Variants in PDE1C observed in about 807,000 individuals in gnomAD.
PDE1C encodes dual specificity calcium/calmodulin-dependent 3',5'-cyclic nucleotide phosphodiesterase 1C.
A neutral mutation model predicts 93.1 loss-of-function variants in PDE1C; 62 were observed. The ratio of observed to expected loss-of-function variants is 0.67; its 90% CI spans 0.54 to 0.82. PDE1C has a LOEUF of 0.82. Ranked by LOEUF, PDE1C falls within the 40% of genes least tolerant of loss-of-function variation. The pLI, the probability that PDE1C is intolerant of heterozygous loss-of-function variation, is 0.00. For missense variants in PDE1C, 742 were observed against 884.6 expected (o/e 0.84, Z 2.04); for synonymous variants, 325 against 310.1 (o/e 1.05, Z -0.50).
At position 31,882,109 on chromosome 7, in the gene PDE1C, A is replaced by T. The variant is rs141969664; in HGVS notation, c.129-1249T>A. On this transcript the variant is annotated intron_variant, in intron 2 of 17. Coordinates refer to ENST00000396191, the MANE Select transcript of PDE1C (RefSeq NM_001191057.4). ...GAAAAAATCTTGGATCAACCTTAAA[A>T]AGTAAGCAAGAGGGTCAACCATAAA... 1.0e-2 allele frequency among the ~76,000 whole-genome samples: 1,517 copies of T among 152,326 alleles called. 14 individuals carry two copies. The highest frequency in any genetic ancestry group is 0.018 in the Non-Finnish European group (1,195 of 68,024).
chr7:32,097,958 C>T (rs537578622), intron 3 of PDE1C, among the ~76,000 whole-genome samples: 25 of 149,718 alleles, frequency 1.7e-4, no homozygotes, highest in Non-Finnish European at 2.8e-4. Context: ...CGGCCGGGCG[C>T]GGTGGCTCAC....
At chr7:32,083,236 G>A (rs895576382) in intron 3 of PDE1C, among the ~76,000 whole-genome samples, 2 of 151,764 alleles carry the variant, frequency 1.3e-5, no homozygotes, top group African/African-American at 4.8e-5. Flanking sequence ...CGATCAACTG[G>A]AAGAAAGGGT....
intron 11 of PDE1C, among the ~76,000 whole-genome samples, chr7:31,831,328 G>GA (rs1414646923): frequency 5.9e-5 from 9 of 152,086 alleles, no homozygotes; most frequent in African/African-American, 1.9e-4. Flanking sequence ...CACATCCTAG[G>GA]AAAAATCTGT....
intron 2 of PDE1C, among the ~76,000 whole-genome samples, chr7:32,005,988 T>G (rs181566470): frequency 1.3e-5 from 2 of 152,322 alleles, no homozygotes; most frequent in Admixed American, 6.5e-5. Context: ...TGAAAAATAT[T>G]TTTTTCAAGA....
chr7:31,774,341 T>C (rs1003888456), intron 17 of PDE1C, among the ~76,000 whole-genome samples: 8 of 152,218 alleles, frequency 5.3e-5, no homozygotes, highest in African/African-American at 1.9e-4. Flanking sequence ...CAAATGTAGA[T>C]ATCATTTTTC....
intron 3 of PDE1C, among the ~76,000 whole-genome samples, chr7:32,089,601 A>T (rs2128743842): frequency 6.6e-6 from 1 of 152,338 alleles, no homozygotes; most frequent in Admixed American, 6.5e-5. Flanking sequence ...AGGAACCCGC[A>T]GTTCTCGTGA....
intron 3 of PDE1C, among the ~76,000 whole-genome samples, chr7:32,123,527 C>T (rs1799411264): frequency 6.6e-6 from 1 of 152,138 alleles, no homozygotes; most frequent in Admixed American, 6.5e-5. Flanking sequence ...TGGCTTCATC[C>T]CTGGGATGCA....
intron 15 of PDE1C, among the ~76,000 whole-genome samples, 166 bp downstream of exon 15, chr7:31,815,758 T>C (rs1463078447): frequency 6.6e-6 from 1 of 152,120 alleles, no homozygotes; most frequent in Non-Finnish European, 1.5e-5. Flanking sequence ...TGGTAGCTGC[T>C]TCTGCTGGAA....
At chr7:32,298,053 TC>T (rs1812733791) in intron 1 of PDE1C, among the ~76,000 whole-genome samples, 1 of 74,948 alleles carries the variant, frequency 1.3e-5, no homozygotes, top group African/African-American at 8.0e-5. Context: ...TCTCTCTCTC[TC>T]TCTCTCTCTC....
chr7:32,038,463 G>A (rs1232846080), intron 2 of PDE1C, among the ~76,000 whole-genome samples: 1 of 152,110 alleles, frequency 6.6e-6, no homozygotes, highest in Non-Finnish European at 1.5e-5. Flanking sequence ...TATATATCTA[G>A]AATTGGGCCA....
At chr7:31,746,954 G>A (rs1034924738), downstream of PDE1C, among the ~76,000 whole-genome samples, 7 of 152,192 alleles carry the variant, frequency 4.6e-5, no homozygotes, top group African/African-American at 1.7e-4. Context: ...GGTAATGTCA[G>A]CTCTTCTCCT....
chr7:31,626,003 A>G, the PDE1C span, among the ~76,000 whole-genome samples: 1 of 152,342 alleles, frequency 6.6e-6, no homozygotes, highest in Non-Finnish European at 1.5e-5. Flanking sequence ...GACTTTTAAA[A>G]AAACTTTATG....
chr7:32,012,046 T>C (rs1342422060), intron 2 of PDE1C, among the ~76,000 whole-genome samples: 1 of 152,224 alleles, frequency 6.6e-6, no homozygotes, highest in Non-Finnish European at 1.5e-5. Flanking sequence ...ACTGTCAAAG[T>C]AGTCAAACTA....
intron 1 of PDE1C, among the ~76,000 whole-genome samples, chr7:32,289,248 T>C (rs1269883790): frequency 6.6e-6 from 1 of 151,824 alleles, no homozygotes; most frequent in Non-Finnish European, 1.5e-5. Context: ...CTAGAAATAA[T>C]AAAAATAAGT....
At chr7:32,100,198 G>A (rs1261279812) in intron 3 of PDE1C, among the ~76,000 whole-genome samples, 2 of 152,074 alleles carry the variant, frequency 1.3e-5, no homozygotes, top group East Asian at 3.9e-4. Flanking sequence ...GAAGAATGAA[G>A]GAAATCAACA....
chr7:32,387,706 G>T (rs1364747651), intron 1 of PDE1C, among the ~76,000 whole-genome samples: 34 of 140,152 alleles, frequency 2.4e-4, no homozygotes, highest in African/African-American at 8.8e-4. Flanking sequence ...CCTCCCGGAC[G>T]GGGCGGCTGG....
chr7:31,762,508 T>C (rs1486236230), intron 17 of PDE1C, among the ~76,000 whole-genome samples: 1 of 151,930 alleles, frequency 6.6e-6, no homozygotes, highest in Non-Finnish European at 1.5e-5. Flanking sequence ...CCTAGATAAT[T>C]TTTGTATTTT....
rs80275811 is a variant in PDE1C at position 32,316,331 on chromosome 7, C to A, written c.311-106792G>T. Among the ~76,000 whole-genome samples the A allele has an allele frequency of 1.4e-3, 214 of 152,288 alleles. 1 individual carries two copies. The highest frequency in any genetic ancestry group is 0.012 in the East Asian group (63 of 5,190). On this transcript the variant is annotated intron_variant, in intron 1 of 1. Transcript: ENST00000672256. ...GTATGAGATGGTCCATGTTTACCAACGATAGAATAAACAAGAACGCACATC... is the reference window on the plus strand; with the variant it reads ...GTATGAGATGGTCCATGTTTACCAAAGATAGAATAAACAAGAACGCACATC...
At chr7:31,961,881 C>A (rs899348104) in intron 2 of PDE1C, among the ~76,000 whole-genome samples, 2 of 152,090 alleles carry the variant, frequency 1.3e-5, no homozygotes, top group African/African-American at 2.4e-5. Context: ...ATGGATTGAA[C>A]AGAGGAAAGT....
Sources: allele counts gnomAD v4.1 joint callset (sites outside exome capture counted in the v4.1 genomes callset), GRCh38; gene constraint gnomAD v4.1.1; transcripts MANE v1.5; gene names NCBI Gene and HGNC (gene_info 2026-07-23, HGNC 2026-07-21).